RBFOX1: variants seen among roughly 807,000 people sequenced by gnomAD.
RBFOX1 encodes RNA binding protein fox-1 homolog 1.
In RBFOX1, 8 loss-of-function variants were observed where a neutral mutation model predicts 57.7. That is an observed-to-expected ratio of 0.14 (90% CI 0.08 to 0.25). The LOEUF (loss-of-function observed/expected upper bound fraction) is 0.25, where lower values mean the gene tolerates loss of function less well. Ranked by LOEUF, RBFOX1 falls within the 10% of genes least tolerant of loss-of-function variation. The pLI is 1.00. For synonymous variants in RBFOX1, 326 were observed against 222.4 expected, an observed-to-expected ratio of 1.47 and a Z score of -4.15; for missense variants, 611 against 548.5, an observed-to-expected ratio of 1.11 and a Z score of -1.14.
intron 4 of RBFOX1, among the ~76,000 whole-genome samples, chr16:7,370,519 C>G (rs1456256857): frequency 6.6e-6 from 1 of 152,154 alleles, no homozygotes; most frequent in Non-Finnish European, 1.5e-5. Context: ...CCTTCTTCCC[C>G]CACGCTCCCT....
At chr16:6,939,204 G>T (rs1055881203) in intron 3 of RBFOX1, among the ~76,000 whole-genome samples, 2 of 152,118 alleles carry the variant, frequency 1.3e-5, no homozygotes, top group African/African-American at 4.8e-5. Flanking sequence ...TAATTTATTA[G>T]GTTTTGAAAT....
chr16:7,037,612 G>A (rs1450250509), intron 3 of RBFOX1, among the ~76,000 whole-genome samples: 6 of 152,192 alleles, frequency 3.9e-5, no homozygotes, highest in Admixed American at 2.0e-4. Flanking sequence ...GAAAAGGCAC[G>A]TTATATAGTG....
chr16:6,368,473 T>C (rs1055628446), intron 2 of RBFOX1, among the ~76,000 whole-genome samples: 8 of 152,252 alleles, frequency 5.3e-5, no homozygotes, highest in Admixed American at 2.0e-4. Flanking sequence ...GTTCCTAATG[T>C]AGACCTTTCC....
Position 6,019,979 on chromosome 16 carries a change from G to A in RBFOX1, c.-140G>A, listed in dbSNP as rs980427629. On this transcript the variant is annotated 5_prime_UTR_variant, in exon 1 of 16. Coordinates refer to ENST00000550418, the MANE Select transcript of RBFOX1 (RefSeq NM_018723.4). This position sits in a 1 kb window ranked among gnomAD's most constrained non-coding sequence, Gnocchi z 4.2. ...CGAGAACGTGACCGCAGCCGGGCTCGCCGGGAGTTCTAGGTAAGTCCAGGC... is the reference window on the plus strand; with the variant it reads ...CGAGAACGTGACCGCAGCCGGGCTCACCGGGAGTTCTAGGTAAGTCCAGGC... 10 of 1,529,632 alleles carry A rather than the reference G, an allele frequency of 6.5e-6. No individual in the cohort carries two copies. The highest frequency in any genetic ancestry group is 4.8e-5 in the South Asian group (4 of 83,496). 94.8% of individuals were successfully genotyped at this position (1,529,632 alleles called of 1,614,324 possible).
chr16:7,666,044 C>T (rs757601520), intron 13 of RBFOX1, among the ~76,000 whole-genome samples: 1 of 152,172 alleles, frequency 6.6e-6, no homozygotes, highest in South Asian at 2.1e-4. Flanking sequence ...CCCATATGTC[C>T]TAATTCACTC....
At chr16:7,669,026 T>A (rs1049021197) in intron 13 of RBFOX1, among the ~76,000 whole-genome samples, 2 of 152,182 alleles carry the variant, frequency 1.3e-5, no homozygotes, top group Non-Finnish European at 2.9e-5. Context: ...AACCTCAGCC[T>A]CCTGAGTAAC....
chr16:7,055,327 C>A (rs9931674), intron 4 of RBFOX1, among the ~76,000 whole-genome samples: 85,205 of 151,932 alleles, frequency 0.56, 25,213 homozygotes, highest in South Asian at 0.77. Context: ...GAGTTATAGA[C>A]AAGCTAAGAG....
At position 6,387,721 on chromosome 16, in the gene RBFOX1, G is replaced by A. The variant is rs1421893313; in HGVS notation, c.-64+70664G>A. Among the ~76,000 whole-genome samples the A allele has an allele frequency of 2.6e-5, 4 of 152,098 alleles. No individual in the cohort carries two copies. In the East Asian group the frequency reaches 7.8e-4, roughly 30 times the overall value. On this transcript the variant is annotated intron_variant, in intron 2 of 15. Coordinates refer to ENST00000550418, the MANE Select transcript of RBFOX1 (RefSeq NM_018723.4). Reference sequence around the variant, plus strand: ...TTATTTGTTTTGAGGGTGTATAGTGGGCACCTGTCAATTCTGCAGCCCAGA... The same window carrying A: ...TTATTTGTTTTGAGGGTGTATAGTGAGCACCTGTCAATTCTGCAGCCCAGA...
At chr16:6,881,731 A>G (rs1227529123) in intron 3 of RBFOX1, among the ~76,000 whole-genome samples, 2 of 152,058 alleles carry the variant, frequency 1.3e-5, no homozygotes, top group Non-Finnish European at 2.9e-5. Context: ...TTAACACATC[A>G]CACTGGGTGC....
At chr16:5,641,006 C>T in intron 3 of RBFOX1, among the ~76,000 whole-genome samples, 1 of 151,544 alleles carries the variant, frequency 6.6e-6, no homozygotes, top group East Asian at 1.9e-4. Context: ...CATATGCACA[C>T]ACATACATGC....
chr16:7,054,243 T>C (rs1360117203), intron 4 of RBFOX1, among the ~76,000 whole-genome samples: 1 of 102,280 alleles, frequency 9.8e-6, no homozygotes, highest in African/African-American at 3.2e-5. Context: ...CTTTTTTTTT[T>C]TTTTTTTTTT....
chr16:6,103,009 G>T (rs1410388446), intron 1 of RBFOX1, among the ~76,000 whole-genome samples: 1 of 152,100 alleles, frequency 6.6e-6, no homozygotes, highest in Non-Finnish European at 1.5e-5. Context: ...TCATAATTGT[G>T]AGCAACCACA....
At chr16:5,803,028 G>T (rs541997154) in intron 3 of RBFOX1, among the ~76,000 whole-genome samples, 1 of 152,190 alleles carries the variant, frequency 6.6e-6, no homozygotes, top group Non-Finnish European at 1.5e-5. Context: ...ATGTACTTGG[G>T]TAATAATTTG....
intron 3 of RBFOX1, among the ~76,000 whole-genome samples, chr16:7,050,328 G>A (rs1040597720): frequency 4.0e-5 from 4 of 100,994 alleles, no homozygotes; most frequent in African/African-American, 1.1e-4. Context: ...TATAATGGTG[G>A]GAACTCAGCT....
At chr16:7,023,884 T>C (rs952066223) in intron 3 of RBFOX1, among the ~76,000 whole-genome samples, 2 of 152,106 alleles carry the variant, frequency 1.3e-5, no homozygotes, top group African/African-American at 4.8e-5. Context: ...AGGATCAAAG[T>C]ATATCGAGTT....
At chr16:6,854,046 AGTC>A (rs1481642237) in intron 3 of RBFOX1, among the ~76,000 whole-genome samples, 17 of 152,352 alleles carry the variant, frequency 1.1e-4, no homozygotes, top group African/African-American at 4.1e-4. Flanking sequence ...CAGGCAGTTA[AGTC>A]TTTGTTCCTT....
intron 4 of RBFOX1, among the ~76,000 whole-genome samples, chr16:7,400,983 C>T (rs1313168685): frequency 1.3e-5 from 2 of 152,158 alleles, no homozygotes; most frequent in Non-Finnish European, 2.9e-5. Flanking sequence ...AACCTTGGAA[C>T]CCCGCATGAA....
intron 2 of RBFOX1, among the ~76,000 whole-genome samples, chr16:6,610,701 G>C (rs1253310130): frequency 6.6e-6 from 1 of 152,188 alleles, no homozygotes; most frequent in African/African-American, 2.4e-5. Flanking sequence ...TGAAAGATCA[G>C]ATTGCGAAGT....
At chr16:6,806,377 C>T (rs1386164344) in intron 3 of RBFOX1, among the ~76,000 whole-genome samples, 1 of 152,096 alleles carries the variant, frequency 6.6e-6, no homozygotes, top group Non-Finnish European at 1.5e-5. Context: ...AGAAACTGGT[C>T]TGTAATAAGG....
Sources: allele counts gnomAD v4.1 joint callset (sites outside exome capture counted in the v4.1 genomes callset), GRCh38; gene constraint gnomAD v4.1.1; non-coding constraint Gnocchi (gnomAD v3.1); transcripts MANE v1.5; gene names NCBI Gene and HGNC (gene_info 2026-07-23, HGNC 2026-07-21).